The following RORA variants were observed in gnomAD, a reference collection of about 807,000 sequenced individuals.
RORA encodes the protein nuclear receptor ROR-alpha.
Under a neutral mutation model 69.5 loss-of-function variants are expected in RORA, and 7 were observed. That is an observed-to-expected ratio of 0.10 (90% CI 0.06 to 0.19). The LOEUF (loss-of-function observed/expected upper bound fraction) is 0.19, where lower values mean the gene tolerates loss of function less well. RORA is among the 10% of genes least tolerant of loss of function. RORA has a pLI of 1.00. For synonymous variants in RORA, 261 were observed against 240.8 expected (o/e 1.08, Z -0.78); for missense variants, 457 against 663.0 (o/e 0.69, Z 3.41).
chr15:60,637,063 C>T (rs2069854090), intron 2 of RORA, among the ~76,000 whole-genome samples: 1 of 150,808 alleles, frequency 6.6e-6, no homozygotes, highest in South Asian at 2.1e-4. Context: ...TTAATCTTTA[C>T]TTTTTAAATT....
intron 10 of RORA, among the ~76,000 whole-genome samples, chr15:60,498,927 C>T (rs908934558): frequency 6.7e-6 from 1 of 150,270 alleles, no homozygotes; most frequent in African/African-American, 2.4e-5. Flanking sequence ...CATCATCTCA[C>T]ACAATAAAAT....
chr15:60,559,497 G>A (rs1397545522), intron 2 of RORA, among the ~76,000 whole-genome samples: 1 of 152,198 alleles, frequency 6.6e-6, no homozygotes, highest in Non-Finnish European at 1.5e-5. Context: ...TGCATTCACT[G>A]TAGTGCTTGA....
rs540242750 is a variant in RORA, at chr15:61,041,353, T to C, written c.166+187700A>G. 3.9e-5 allele frequency among the ~76,000 whole-genome samples: 6 copies of C among 152,166 alleles called. No homozygotes were observed. In the East Asian group the frequency reaches 1.2e-3, roughly 29 times the overall value. On this transcript the variant is annotated intron_variant, in intron 1 of 10. Transcript: ENST00000335670. ...CAAACTGGAGGAGAGATGAATTCAA[T>C]GAGCTATCAGAGGTGCTTTCCATCC...
At chr15:60,886,663 T>G (rs568479873) in intron 1 of RORA, among the ~76,000 whole-genome samples, 57 of 152,270 alleles carry the variant, frequency 3.7e-4, no homozygotes, top group Admixed American at 1.0e-3. Flanking sequence ...CTAACAGTAA[T>G]GAAAAAAGCA....
At chr15:60,778,263 G>A (rs924795550) in intron 1 of RORA, among the ~76,000 whole-genome samples, 2 of 151,852 alleles carry the variant, frequency 1.3e-5, no homozygotes, top group South Asian at 4.2e-4. Flanking sequence ...TAATCTTTAC[G>A]GGTCTGATGG....
chr15:60,552,263 A>T (rs2067247081), intron 2 of RORA, among the ~76,000 whole-genome samples: 1 of 152,186 alleles, frequency 6.6e-6, no homozygotes, highest in African/African-American at 2.4e-5. Flanking sequence ...CACTGCAGTC[A>T]TTTCAGAGAT....
chr15:60,837,163 T>C (rs116287181), intron 1 of RORA, among the ~76,000 whole-genome samples: 1,906 of 152,178 alleles, frequency 0.013, 39 homozygotes, highest in African/African-American at 0.044. Context: ...TGAGCCATCA[T>C]GCCGCACCCC....
At chr15:61,049,106 G>C (rs796419281) in intron 1 of RORA, among the ~76,000 whole-genome samples, 3 of 152,282 alleles carry the variant, frequency 2.0e-5, no homozygotes, top group African/African-American at 7.2e-5. Flanking sequence ...AATGCTGGAG[G>C]CTCAGTGTTT....
At chr15:60,752,370 T>G (rs1284789008) in intron 1 of RORA, among the ~76,000 whole-genome samples, 1 of 152,068 alleles carries the variant, frequency 6.6e-6, no homozygotes, top group Non-Finnish European at 1.5e-5. Flanking sequence ...CAGGGACGTG[T>G]GAAAGGAAAG....
At chr15:60,520,930 T>C (rs774818281) in intron 3 of RORA, among the ~76,000 whole-genome samples, 1 of 152,218 alleles carries the variant, frequency 6.6e-6, no homozygotes, top group Non-Finnish European at 1.5e-5. Context: ...TCAGGTAGTA[T>C]ACGTTTAGTG....
chr15:61,140,732 A>AG (rs1460858091), intron 1 of RORA, among the ~76,000 whole-genome samples: 2 of 152,158 alleles, frequency 1.3e-5, no homozygotes. Context: ...CAGTTTTATC[A>AG]GGGGTCAGCC....
chr15:60,809,333 C>A (rs936595425), intron 1 of RORA, among the ~76,000 whole-genome samples: 3 of 152,118 alleles, frequency 2.0e-5, no homozygotes, highest in Non-Finnish European at 4.4e-5. Flanking sequence ...CACAGTTAAT[C>A]CCAATTCTGT....
At chr15:60,535,106 C>A (rs2066636506) in intron 2 of RORA, among the ~76,000 whole-genome samples, 1 of 152,166 alleles carries the variant, frequency 6.6e-6, no homozygotes, top group East Asian at 1.9e-4. Flanking sequence ...TCTTTTAACA[C>A]AAATTATGAA....
chr15:60,525,130 C>T (rs1207043840), intron 3 of RORA, among the ~76,000 whole-genome samples: 2 of 152,148 alleles, frequency 1.3e-5, no homozygotes, highest in African/African-American at 4.8e-5. Flanking sequence ...TTCTGTAGTC[C>T]GAGTTCCCTA....
intron 2 of RORA, among the ~76,000 whole-genome samples, chr15:60,669,564 T>C (rs942726971): frequency 2.0e-5 from 3 of 152,198 alleles, no homozygotes; most frequent in African/African-American, 4.8e-5. Flanking sequence ...TGGCTCCACA[T>C]TGGTTATGAG....
At chr15:60,604,015 G>A (rs1223812007) in intron 2 of RORA, among the ~76,000 whole-genome samples, 1 of 151,532 alleles carries the variant, frequency 6.6e-6, no homozygotes, top group African/African-American at 2.4e-5. Context: ...GTGCGTGCCT[G>A]TAATCTACGC....
intron 2 of RORA, among the ~76,000 whole-genome samples, chr15:60,594,622 C>T (rs1230064860): frequency 2.0e-5 from 3 of 152,344 alleles, no homozygotes; most frequent in African/African-American, 7.2e-5. Context: ...AATAATCTGA[C>T]ATCACTAGTA....
intron 1 of RORA, among the ~76,000 whole-genome samples, chr15:60,927,058 A>G (rs966193803): frequency 3.3e-5 from 5 of 152,226 alleles, no homozygotes; most frequent in African/African-American, 1.2e-4. Flanking sequence ...AATAAAAAAT[A>G]ATTTTATTGG....
intron 1 of RORA, among the ~76,000 whole-genome samples, chr15:60,948,020 T>G (rs1273170328): frequency 1.3e-5 from 2 of 152,206 alleles, no homozygotes. Context: ...TTGGATGTCA[T>G]GGCTAAGCCA....
Sources: allele counts gnomAD v4.1 joint callset (sites outside exome capture counted in the v4.1 genomes callset), GRCh38; gene constraint gnomAD v4.1.1; transcripts MANE v1.5; gene names NCBI Gene and HGNC (gene_info 2026-07-23, HGNC 2026-07-21).